Variants in FBP1 observed in about 807,000 individuals in gnomAD.
The protein encoded by FBP1 is fructose-bisphosphatase 1, also known as fructose-1,6-bisphosphatase 1.
FBP1 carries 22 observed loss-of-function variants against 29.9 expected under a neutral mutation model. The observed-to-expected ratio is 0.74, with a 90% CI of 0.53 to 1.05. The LOEUF is 1.05. FBP1 is among the 50% of genes least tolerant of loss of function. FBP1 has a pLI of 0.00. For missense variants in FBP1, 345 were observed against 448.2 expected (o/e 0.77, Z 2.08); for synonymous variants, 175 against 178.6 (o/e 0.98, Z 0.16).
chr9:94,625,782 G>A lies in FBP1; in HGVS notation c.171-5291C>T, dbSNP rs565924707. Among the ~76,000 whole-genome samples, 11 of 151,708 alleles carry A rather than the reference G, an allele frequency of 7.3e-5. No homozygotes were observed. The South Asian group carries it at 1.5e-3, about 20-fold the overall frequency. ...TGCGCTCCAGCCTGGGCGACAGAGCGAGACTCCGTCAAAAAGAAAGAATGA... is the reference window on the plus strand; with the variant it reads ...TGCGCTCCAGCCTGGGCGACAGAGCAAGACTCCGTCAAAAAGAAAGAATGA... On this transcript the variant is annotated intron_variant, in intron 1 of 6. Coordinates refer to ENST00000375326, the MANE Select transcript of FBP1 (RefSeq NM_000507.4).
At chr9:94,605,252 C>T (rs1180486185) in intron 6 of FBP1, among the ~76,000 whole-genome samples, 11 of 152,214 alleles carry the variant, frequency 7.2e-5, no homozygotes, top group Non-Finnish European at 1.0e-4. Context: ...TGCCATAGCA[C>T]TGGAAGGGCT....
intron 1 of FBP1, among the ~76,000 whole-genome samples, chr9:94,634,622 A>G (rs566114229): frequency 1.3e-5 from 2 of 152,356 alleles, no homozygotes; most frequent in East Asian, 3.9e-4. Flanking sequence ...CTTGACTTCA[A>G]GTTGCAGACT....
chr9:94,626,598 G>A (rs1030245318), intron 1 of FBP1, among the ~76,000 whole-genome samples: 4 of 152,082 alleles, frequency 2.6e-5, no homozygotes, highest in Non-Finnish European at 2.9e-5. Context: ...AGATTTCCCC[G>A]AGTAACACAT....
chr9:94,623,756 G>A (rs918775150), intron 1 of FBP1, among the ~76,000 whole-genome samples: 3 of 152,234 alleles, frequency 2.0e-5, no homozygotes, highest in Admixed American at 6.5e-5. Context: ...GGGACCTGCT[G>A]TGCACGGGGA....
At chr9:94,612,262 C>T (rs1304696055) in intron 3 of FBP1, among the ~76,000 whole-genome samples, 2 of 152,186 alleles carry the variant, frequency 1.3e-5, no homozygotes, top group African/African-American at 4.8e-5. Flanking sequence ...TCTAACTCTC[C>T]TCTCCTCCCA....
intron 5 of FBP1, among the ~76,000 whole-genome samples, chr9:94,606,367 C>A (rs1827700445): frequency 6.6e-6 from 1 of 152,182 alleles, no homozygotes. Context: ...GCAGACACCA[C>A]TTGACGGGCA....
intron 1 of FBP1, among the ~76,000 whole-genome samples, chr9:94,621,755 C>A (rs1827953565): frequency 6.6e-6 from 1 of 152,128 alleles, no homozygotes; most frequent in South Asian, 2.1e-4. Context: ...TGTTGGCCCC[C>A]AAACACACGG....
chr9:94,634,917 C>T (rs9657699), intron 1 of FBP1, among the ~76,000 whole-genome samples: 13,300 of 151,918 alleles, frequency 0.088, 693 homozygotes, highest in African/African-American at 0.15. Flanking sequence ...GGCAAAATCC[C>T]ATCTCTACTA....
intron 1 of FBP1, among the ~76,000 whole-genome samples, chr9:94,638,598 C>T (rs1388190934): frequency 6.9e-6 from 1 of 144,158 alleles, no homozygotes; most frequent in African/African-American, 2.7e-5. Context: ...AGGCTCTGGA[C>T]ACACAGGAGA....
chr9:94,603,732 A>G (rs1827649641), intron 6 of FBP1, 160 bp from the exon 7 acceptor site: 3 of 710,158 alleles, frequency 4.2e-6, no homozygotes, highest in Admixed American at 2.0e-5. Flanking sequence ...CTCCCACCCC[A>G]GGTTGCATCT....
At chr9:94,639,677 C>T (rs1828256723), upstream of FBP1, among the ~76,000 whole-genome samples, 1 of 151,266 alleles carries the variant, frequency 6.6e-6, no homozygotes, top group South Asian at 2.1e-4. Context: ...GGTCTCCCAA[C>T]CCCCGCCCCC....
At position 94,607,079 on chromosome 9, in the gene FBP1, G is replaced by A. The variant is rs1827713515; in HGVS notation, c.568-127C>T. The A allele has an allele frequency of 4.1e-6, 5 of 1,204,932 alleles. 1 individual carries two copies. The highest frequency in any genetic ancestry group is 1.5e-5 in the African/African-American group (1 of 67,076). 74.6% of individuals were successfully genotyped at this position (1,204,932 alleles called of 1,614,324 possible). Reference sequence around the variant, plus strand: ...GCGGCGCACGGGCACCACTCATCTTGGGGCCCCGAGACACCTGCCAGGCTC... The same window carrying A: ...GCGGCGCACGGGCACCACTCATCTTAGGGCCCCGAGACACCTGCCAGGCTC... On this transcript the variant is annotated intron_variant, in intron 4 of 6. Transcript: ENST00000375326.
intron 1 of FBP1, among the ~76,000 whole-genome samples, chr9:94,637,593 G>A (rs1828211141): frequency 6.6e-6 from 1 of 151,894 alleles, no homozygotes; most frequent in Non-Finnish European, 1.5e-5. Context: ...GTTTCACCAT[G>A]TTGATCAGGT....
chr9:94,615,686 C>T (rs1827851823), intron 3 of FBP1, among the ~76,000 whole-genome samples: 1 of 152,070 alleles, frequency 6.6e-6, no homozygotes, highest in Non-Finnish European at 1.5e-5. Context: ...GCCTCTTACC[C>T]AAGATAAAAA....
At position 94,603,326 on chromosome 9, in the gene FBP1, G is replaced by A; in HGVS notation, c.*55C>T. 6.9e-7 allele frequency: 1 copy of A among 1,446,034 alleles called. No homozygotes were observed. The highest frequency in any genetic ancestry group is 9.6e-7 in the Non-Finnish European group (1 of 1,036,516). The allele number at this position is 1,446,034 out of a possible 1,614,324, so 89.6% of individuals were successfully genotyped here. Reference sequence around the variant, plus strand: ...GCACAGCAGGTCAGGGTACTGCTGTGTGAGACAAAAGGTCCAGGTAGAGGC... The same window carrying A: ...GCACAGCAGGTCAGGGTACTGCTGTATGAGACAAAAGGTCCAGGTAGAGGC... On this transcript the variant is annotated 3_prime_UTR_variant, in exon 7 of 7. Coordinates refer to ENST00000375326, the MANE Select transcript of FBP1 (RefSeq NM_000507.4).
intron 1 of FBP1, among the ~76,000 whole-genome samples, chr9:94,622,624 G>A (rs1827965851): frequency 6.6e-6 from 1 of 152,208 alleles, no homozygotes; most frequent in African/African-American, 2.4e-5. Context: ...GCCACTCTTG[G>A]CATCATTCCC....
At chr9:94,618,454 G>GT (rs1424937288) in intron 2 of FBP1, among the ~76,000 whole-genome samples, 1 of 50,134 alleles carries the variant, frequency 2.0e-5, no homozygotes. Context: ...GACTCCTTCT[G>GT]TAAAAAAAAA....
upstream of FBP1, chr9:94,639,952 C>T (rs79820315): frequency 0.098 from 15,800 of 161,650 alleles, 962 homozygotes; most frequent in East Asian, 0.24. Flanking sequence ...GGCTGCCTGC[C>T]CCCGCCCCCT....
At chr9:94,609,745 T>C (rs951482098) in intron 4 of FBP1, among the ~76,000 whole-genome samples, 176 bp downstream of exon 4, 2 of 152,190 alleles carry the variant, frequency 1.3e-5, no homozygotes, top group African/African-American at 4.8e-5. Context: ...CATAGTCTGC[T>C]CGGGAGGCAT....
Sources: allele counts gnomAD v4.1 joint callset (sites outside exome capture counted in the v4.1 genomes callset), GRCh38; gene constraint gnomAD v4.1.1; transcripts MANE v1.5; gene names NCBI Gene and HGNC (gene_info 2026-07-23, HGNC 2026-07-21).